RCAN2: variants seen among roughly 807,000 people sequenced by gnomAD.
RCAN2 encodes the protein regulator of calcineurin 2.
In RCAN2, 9 loss-of-function variants were observed where a neutral mutation model predicts 23.6. The observed-to-expected ratio is 0.38, with a 90% CI of 0.23 to 0.67. The LOEUF (loss-of-function observed/expected upper bound fraction) is 0.67, where lower values mean the gene tolerates loss of function less well. Among genes scored for constraint, RCAN2 ranks in the 30% least tolerant of loss-of-function variants. The pLI, the probability that RCAN2 is intolerant of heterozygous loss-of-function variation, is 0.51. For synonymous variants in RCAN2, 109 were observed against 115.7 expected, an observed-to-expected ratio of 0.94 and a Z score of 0.37; for missense variants, 273 against 302.3, an observed-to-expected ratio of 0.90 and a Z score of 0.72.
intron 2 of RCAN2, among the ~76,000 whole-genome samples, chr6:46,412,513 T>A (rs1238595963): frequency 6.6e-6 from 1 of 152,104 alleles, no homozygotes; most frequent in East Asian, 1.9e-4. Context: ...AGCCAATAAC[T>A]TCTCCAAGGG....
At chr6:46,286,082 C>T (rs1014061764) in intron 2 of RCAN2, among the ~76,000 whole-genome samples, 2 of 152,124 alleles carry the variant, frequency 1.3e-5, no homozygotes, top group Non-Finnish European at 2.9e-5. Flanking sequence ...CCTAAAGTTG[C>T]CTCCTTACAT....
chr6:46,379,250 G>C (rs1765558943), intron 2 of RCAN2, among the ~76,000 whole-genome samples: 1 of 152,144 alleles, frequency 6.6e-6, no homozygotes, highest in South Asian at 2.1e-4. Flanking sequence ...CCTCTTTGCT[G>C]CTGGGGAGGA....
intron 2 of RCAN2, among the ~76,000 whole-genome samples, chr6:46,285,356 G>A (rs1156266875): frequency 6.6e-6 from 1 of 152,202 alleles, no homozygotes; most frequent in Non-Finnish European, 1.5e-5. Flanking sequence ...TATGCAAGTG[G>A]TCCAACATTA....
At chr6:46,478,706 C>T (rs1359586243) in intron 1 of RCAN2, among the ~76,000 whole-genome samples, 1 of 152,212 alleles carries the variant, frequency 6.6e-6, no homozygotes, top group African/African-American at 2.4e-5. Context: ...ATACTACCTC[C>T]TCTTCCCATG....
chr6:46,485,238 C>T (rs553028501), intron 1 of RCAN2, among the ~76,000 whole-genome samples: 5 of 152,196 alleles, frequency 3.3e-5, no homozygotes, highest in South Asian at 2.1e-4. Flanking sequence ...TAAAATTATG[C>T]GTGGAAATGC....
chr6:46,244,039 A>T (rs1229446940), intron 4 of RCAN2, among the ~76,000 whole-genome samples: 1 of 152,060 alleles, frequency 6.6e-6, no homozygotes, highest in Non-Finnish European at 1.5e-5. Context: ...GGGAAAGTTC[A>T]TGCTTCTTTC....
chr6:46,488,852 G>C (rs1434510063), intron 1 of RCAN2, among the ~76,000 whole-genome samples: 2 of 152,082 alleles, frequency 1.3e-5, no homozygotes, highest in Non-Finnish European at 2.9e-5. Context: ...ATCTGGTTCA[G>C]GCACATTTCA....
chr6:46,265,112 T>C (rs746365308), intron 2 of RCAN2, among the ~76,000 whole-genome samples: 1 of 152,168 alleles, frequency 6.6e-6, no homozygotes, highest in African/African-American at 2.4e-5. Flanking sequence ...GCATATCTCA[T>C]AGACCAGCAG....
intron 4 of RCAN2, among the ~76,000 whole-genome samples, chr6:46,246,234 T>G (rs1300733892): frequency 1.3e-5 from 2 of 152,076 alleles, no homozygotes; most frequent in Non-Finnish European, 2.9e-5. Flanking sequence ...CAGAACAAAG[T>G]GACTAAGATT....
chr6:46,455,646 G>A (rs1767997888), intron 2 of RCAN2, among the ~76,000 whole-genome samples: 1 of 151,832 alleles, frequency 6.6e-6, no homozygotes, highest in African/African-American at 2.4e-5. Flanking sequence ...TACGAGGTCA[G>A]GAGATCGAGA....
At chr6:46,408,984 A>T (rs1766481958) in intron 2 of RCAN2, among the ~76,000 whole-genome samples, 2 of 152,168 alleles carry the variant, frequency 1.3e-5, no homozygotes, top group Non-Finnish European at 2.9e-5. Flanking sequence ...TTTCATAGAG[A>T]CATATCAAAC....
intron 2 of RCAN2, among the ~76,000 whole-genome samples, chr6:46,288,344 G>A (rs922298131): frequency 3.9e-5 from 6 of 152,216 alleles, no homozygotes; most frequent in Admixed American, 2.0e-4. Flanking sequence ...GATCCTTCCC[G>A]TTAAGGAATC....
chr6:46,300,707 C>T (rs1762878826), intron 2 of RCAN2, among the ~76,000 whole-genome samples: 1 of 151,948 alleles, frequency 6.6e-6, no homozygotes. Flanking sequence ...AAATGTTGGA[C>T]TGACAGCTGC....
At chr6:46,472,307 T>A (rs560901201) in intron 1 of RCAN2, among the ~76,000 whole-genome samples, 32 of 152,290 alleles carry the variant, frequency 2.1e-4, no homozygotes, top group African/African-American at 7.5e-4. Flanking sequence ...GGCTACAGAT[T>A]GTTTCCTGAC....
chr6:46,318,894 T>C (rs1554132889), intron 2 of RCAN2, among the ~76,000 whole-genome samples: 2 of 152,202 alleles, frequency 1.3e-5, no homozygotes, highest in Non-Finnish European at 2.9e-5. Context: ...TTGGTAGACA[T>C]TTTATTCTCA....
intron 4 of RCAN2, among the ~76,000 whole-genome samples, chr6:46,245,106 G>A (rs775062572): frequency 2.6e-5 from 4 of 152,180 alleles, no homozygotes; most frequent in Non-Finnish European, 4.4e-5. Context: ...TGAACCAGAC[G>A]TTTAATGAAA....
chr6:46,324,931 T>A lies in RCAN2; in HGVS notation c.226-76035A>T, dbSNP rs1282025470. Among the ~76,000 whole-genome samples the A allele has an allele frequency of 3.9e-5, 6 of 152,228 alleles. No individual in the cohort carries two copies. In the South Asian group the frequency reaches 1.2e-3, roughly 32 times the overall value. ...CTGCCATCTGTAGAACAGCTATTGTTTAATTTGAAGACCACATCACAGGAT... is the reference window on the plus strand; with the variant it reads ...CTGCCATCTGTAGAACAGCTATTGTATAATTTGAAGACCACATCACAGGAT... On this transcript the variant is annotated intron_variant, in intron 2 of 4. Transcript: ENST00000371374.
chr6:46,279,739 G>C (rs1405567443), intron 2 of RCAN2, among the ~76,000 whole-genome samples: 2 of 152,206 alleles, frequency 1.3e-5, no homozygotes, highest in African/African-American at 4.8e-5. Context: ...CTTACTGTAG[G>C]AGAGCCTTGC....
intron 2 of RCAN2, among the ~76,000 whole-genome samples, chr6:46,367,729 G>A (rs1765214730): frequency 6.6e-6 from 1 of 152,048 alleles, no homozygotes; most frequent in Non-Finnish European, 1.5e-5. Flanking sequence ...TATAATCTCA[G>A]ATTACAAGAT....
Sources: allele counts gnomAD v4.1 joint callset (sites outside exome capture counted in the v4.1 genomes callset), GRCh38; gene constraint gnomAD v4.1.1; transcripts MANE v1.5; gene names NCBI Gene and HGNC (gene_info 2026-07-23, HGNC 2026-07-21).